The following SHISAL1 variants were observed in gnomAD, a reference collection of about 807,000 sequenced individuals.
SHISAL1 encodes shisa like 1.
SHISAL1 carries 9 observed loss-of-function variants against 22.6 expected under a neutral mutation model. The observed-to-expected ratio is 0.40, with a 90% CI of 0.24 to 0.70. The LOEUF is 0.70. SHISAL1 is among the 30% of genes least tolerant of loss of function. The pLI is 0.39. For missense variants in SHISAL1, 246 were observed against 270.6 expected (o/e 0.91, Z 0.64); for synonymous variants, 119 against 115.4 (o/e 1.03, Z -0.20).
chr22:44,259,750 G>A (rs1297640547), intron 4 of SHISAL1, among the ~76,000 whole-genome samples: 1 of 152,156 alleles, frequency 6.6e-6, no homozygotes, highest in Non-Finnish European at 1.5e-5. Flanking sequence ...GTGGTGGCTG[G>A]ACCACAATGT....
At chr22:44,280,400 C>T (rs937663907) in intron 4 of SHISAL1, among the ~76,000 whole-genome samples, 1 of 152,130 alleles carries the variant, frequency 6.6e-6, no homozygotes, top group Admixed American at 6.5e-5. Context: ...GTTCACTCAT[C>T]CACACAAGGT....
At chr22:44,320,809 G>A in the SHISAL1 span, among the ~76,000 whole-genome samples, 19 of 152,200 alleles carry the variant, frequency 1.2e-4, no homozygotes, top group Admixed American at 3.3e-4. Context: ...GCAGCAGCTC[G>A]TCCCTAGAGG....
rs376784860 is a variant in SHISAL1 at position 44,262,664 on chromosome 22, C to G, written c.*-12979G>C. On this transcript the variant is annotated intron_variant, in intron 4 of 4. Coordinates refer to ENST00000381176, the MANE Select transcript of SHISAL1 (RefSeq NM_001099294.2). ...GACCGCAGGGCCACACGGCCAGCCC[C>G]TCTCGTCTGGGGCAGTGGCCTGGGC... 6.6e-5 allele frequency among the ~76,000 whole-genome samples: 10 copies of G among 152,210 alleles called. 1 individual carries two copies. The highest frequency in any genetic ancestry group is 5.8e-4 in the East Asian group (3 of 5,166).
chr22:44,254,335 A>C (rs1174960806), intron 4 of SHISAL1, among the ~76,000 whole-genome samples: 1 of 151,914 alleles, frequency 6.6e-6, no homozygotes, highest in Admixed American at 6.6e-5. Flanking sequence ...CTCATAAATA[A>C]CTCCATGTTC....
intron 1 of SHISAL1, among the ~76,000 whole-genome samples, chr22:44,302,882 C>T (rs936292398): frequency 3.8e-5 from 4 of 104,488 alleles, no homozygotes; most frequent in Admixed American, 1.9e-4. Context: ...GGGGTGGGTG[C>T]GGTGAGGAGG....
chr22:44,244,742 G>C lies in SHISAL1; in HGVS notation c.*4943C>G, dbSNP rs1297749826. ...GGCTCCCAGATGGGCCCTGGGTACAGGGCCAGGCAAGTGGCAGGCACTCGG... is the reference window on the plus strand; with the variant it reads ...GGCTCCCAGATGGGCCCTGGGTACACGGCCAGGCAAGTGGCAGGCACTCGG... On this transcript the variant is annotated 3_prime_UTR_variant, in exon 5 of 5. Transcript: ENST00000381176. The C allele has an allele frequency of 6.6e-6, 1 of 152,190 alleles. No individual in the cohort carries two copies. Among genetic ancestry groups the C allele is most frequent in the Non-Finnish European group, 1.5e-5 (1 of 68,040 alleles). 9.4% of individuals were successfully genotyped at this position (152,190 alleles called of 1,614,324 possible). A position where few individuals can be genotyped will look rare whatever the true frequency, so the allele number is the denominator to read the frequency against.
At chr22:44,300,099 A>C (rs1435920303) in intron 2 of SHISAL1, among the ~76,000 whole-genome samples, 2 of 151,144 alleles carry the variant, frequency 1.3e-5, no homozygotes, top group African/African-American at 2.5e-5. Context: ...AGACAGACAC[A>C]GAGAGACAGA....
At chr22:44,299,383 G>A (rs1211543519) in intron 2 of SHISAL1, among the ~76,000 whole-genome samples, 1 of 152,244 alleles carries the variant, frequency 6.6e-6, no homozygotes, top group Non-Finnish European at 1.5e-5. Context: ...GGTGACCTCG[G>A]GCAGGCCGCT....
At chr22:44,252,250 A>C (rs1396093728) in intron 4 of SHISAL1, among the ~76,000 whole-genome samples, 1 of 151,812 alleles carries the variant, frequency 6.6e-6, no homozygotes, top group African/African-American at 2.4e-5. Flanking sequence ...AATTAGAGGC[A>C]TCAAGGTAAA....
chr22:44,285,067 T>C (rs1163650666), intron 4 of SHISAL1, among the ~76,000 whole-genome samples: 1 of 152,224 alleles, frequency 6.6e-6, no homozygotes, highest in Non-Finnish European at 1.5e-5. Context: ...ACTGATTTGC[T>C]TCCTTTGGCC....
chr22:44,279,545 G>C (rs191104759), intron 4 of SHISAL1, among the ~76,000 whole-genome samples: 2 of 152,332 alleles, frequency 1.3e-5, no homozygotes, highest in African/African-American at 2.4e-5. Flanking sequence ...TTCTGGGGTT[G>C]GGTGAACTCT....
rs111246480 is a variant in SHISAL1, at chr22:44,310,119, G to A, written c.-33+2632C>T. Reference sequence around the variant, plus strand: ...GGCCAGCACCTCACACCCTAGTAACGGCCAATGTGACCTGAGCCCTGCTGA... The same window carrying A: ...GGCCAGCACCTCACACCCTAGTAACAGCCAATGTGACCTGAGCCCTGCTGA... On this transcript the variant is annotated intron_variant, in intron 1 of 4. Transcript: ENST00000381176. The surrounding 1 kb of genome is among the most constrained non-coding windows in gnomAD (Gnocchi z 4.0). Among the ~76,000 whole-genome samples, 711 of 152,274 alleles carry A rather than the reference G, an allele frequency of 4.7e-3. 7 individuals are homozygous for A. The highest frequency in any genetic ancestry group is 0.016 in the African/African-American group (662 of 41,552).
chr22:44,321,957 CAGACAGG>C, the SHISAL1 span, among the ~76,000 whole-genome samples: 1 of 152,120 alleles, frequency 6.6e-6, no homozygotes, highest in African/African-American at 2.4e-5. Context: ...GAAACCGAGG[CAGACAGG>C]AGGCAGGAGG....
rs182413011 is a variant in SHISAL1, at chr22:44,288,636, G to A, written c.282-2891C>T. Among the ~76,000 whole-genome samples the A allele has an allele frequency of 2.0e-3, 297 of 152,244 alleles. 3 individuals carry two copies. Among genetic ancestry groups the A allele is most frequent in the African/African-American group, 6.4e-3 (267 of 41,568 alleles). Reference sequence around the variant, plus strand: ...AGCCTGGGTGACAGAGCGAGACTCCGTCTCAAAAAAAGAAAAACAAAAAAG... The same window carrying A: ...AGCCTGGGTGACAGAGCGAGACTCCATCTCAAAAAAAGAAAAACAAAAAAG... On this transcript the variant is annotated intron_variant, in intron 3 of 4. Coordinates refer to ENST00000381176, the MANE Select transcript of SHISAL1 (RefSeq NM_001099294.2).
chr22:44,268,424 A>G (rs540284385), intron 4 of SHISAL1, among the ~76,000 whole-genome samples: 1 of 152,342 alleles, frequency 6.6e-6, no homozygotes, highest in Non-Finnish European at 1.5e-5. Context: ...TTTTAAGCTG[A>G]AAGATGACTT....
At chr22:44,272,609 G>C (rs959816039) in intron 4 of SHISAL1, among the ~76,000 whole-genome samples, 3 of 152,158 alleles carry the variant, frequency 2.0e-5, no homozygotes, top group African/African-American at 4.8e-5. Flanking sequence ...ACGTTTCCTT[G>C]GGGGGGACTA....
chr22:44,308,371 C>T (rs766297928), intron 1 of SHISAL1, among the ~76,000 whole-genome samples: 1 of 152,226 alleles, frequency 6.6e-6, no homozygotes, highest in Admixed American at 6.5e-5. Context: ...AGGCTGCGCT[C>T]GCACCTGAGG....
chr22:44,244,234 C>G lies in SHISAL1; in HGVS notation c.*5451G>C, dbSNP rs1191512712. The G allele has an allele frequency of 1.3e-5, 2 of 152,200 alleles. No individual in the cohort carries two copies. Among genetic ancestry groups the G allele is most frequent in the Non-Finnish European group, 2.9e-5 (2 of 68,056 alleles). The allele number at this position is 152,200 out of a possible 1,614,324, so 9.4% of individuals were successfully genotyped here. A position where few individuals can be genotyped will look rare whatever the true frequency, so the allele number is the denominator to read the frequency against. On this transcript the variant is annotated 3_prime_UTR_variant, in exon 5 of 5. Coordinates refer to ENST00000381176, the MANE Select transcript of SHISAL1 (RefSeq NM_001099294.2). ...ATCATCTATAGTTTTAGATCCTGTG[C>G]TCAGGGTTGGCGCTGACCAATGTGG...
At chr22:44,284,439 C>T (rs968322025) in intron 4 of SHISAL1, among the ~76,000 whole-genome samples, 1 of 152,178 alleles carries the variant, frequency 6.6e-6, no homozygotes, top group Non-Finnish European at 1.5e-5. Context: ...TGCAAAGCTC[C>T]TGCACATGAA....
Sources: gnomAD v4.1 joint callset for allele counts (sites outside exome capture counted in the v4.1 genomes callset) on GRCh38, gnomAD v4.1.1 for gene constraint, Gnocchi (gnomAD v3.1) non-coding constraint, MANE v1.5 for transcripts, NCBI Gene and HGNC (gene_info 2026-07-23, HGNC 2026-07-21) for gene names.